Variants in TNR observed in about 807,000 individuals in gnomAD.
TNR encodes tenascin-R.
Under a neutral mutation model 150.4 loss-of-function variants are expected in TNR, and 45 were observed. That is an observed-to-expected ratio of 0.30 (90% confidence interval 0.24 to 0.38). The LOEUF (loss-of-function observed/expected upper bound fraction) is 0.38, where lower values mean the gene tolerates loss of function less well. TNR is among the 10% of genes least tolerant of loss of function. The probability of loss-of-function intolerance (pLI) is 1.00; values close to 1 mark genes in which losing one functional copy is unlikely to be tolerated. For synonymous variants in TNR, 687 were observed against 678.4 expected (o/e 1.01, Z -0.20); for missense variants, 1,544 against 1,759.1 (o/e 0.88, Z 2.19).
intron 1 of TNR, among the ~76,000 whole-genome samples, chr1:175,531,556 C>T (rs762168783): frequency 3.9e-5 from 6 of 151,904 alleles, no homozygotes; most frequent in South Asian, 2.1e-4. Context: ...CAGAGGGACC[C>T]GAGGGAGAGG....
intron 1 of TNR, among the ~76,000 whole-genome samples, chr1:175,715,849 C>T (rs948412083): frequency 6.6e-6 from 1 of 152,208 alleles, no homozygotes; most frequent in African/African-American, 2.4e-5. Context: ...GCAAAATGAG[C>T]TCAGATTCTC....
At chr1:175,585,271 C>G (rs1662521698) in intron 1 of TNR, among the ~76,000 whole-genome samples, 1 of 152,098 alleles carries the variant, frequency 6.6e-6, no homozygotes, top group African/African-American at 2.4e-5. Flanking sequence ...AATATAAAAC[C>G]AGGATTTGAA....
chr1:175,720,526 T>A (rs1379438930), intron 1 of TNR, among the ~76,000 whole-genome samples: 1 of 152,220 alleles, frequency 6.6e-6, no homozygotes, highest in African/African-American at 2.4e-5. Flanking sequence ...GGAACTGTGC[T>A]TGGGCTCAGA....
At chr1:175,557,657 C>A (rs1360628686) in intron 1 of TNR, among the ~76,000 whole-genome samples, 4 of 150,712 alleles carry the variant, frequency 2.7e-5, no homozygotes, top group Non-Finnish European at 5.9e-5. Context: ...AATAGGAACA[C>A]TTTTACACTG....
intron 7 of TNR, 108 bp downstream of exon 7, chr1:175,391,180 G>A (rs1007746681): frequency 7.0e-7 from 1 of 1,419,208 alleles, no homozygotes; most frequent in Non-Finnish European, 9.5e-7. Flanking sequence ...CCCAGCTCTA[G>A]GAGAAATTCT....
chr1:175,355,673 C>T, intron 16 of TNR, 40 bp from the exon 17 acceptor site: 2 of 1,610,528 alleles, frequency 1.2e-6, no homozygotes, highest in Non-Finnish European at 1.7e-6. Context: ...CCTGCCTCTC[C>T]AGCTCCTCCC....
At chr1:175,642,275 G>A (rs1451029191) in intron 1 of TNR, among the ~76,000 whole-genome samples, 1 of 152,190 alleles carries the variant, frequency 6.6e-6, no homozygotes, top group Non-Finnish European at 1.5e-5. Flanking sequence ...CTATGTGTTT[G>A]TGGTGGGGGA....
chr1:175,716,858 C>G (rs1216533232), intron 1 of TNR, among the ~76,000 whole-genome samples: 2 of 152,192 alleles, frequency 1.3e-5, no homozygotes, highest in Admixed American at 1.3e-4. Context: ...CCACATCGTC[C>G]TTTGTCATTT....
intron 2 of TNR, among the ~76,000 whole-genome samples, chr1:175,506,377 A>C (rs1658957683): frequency 6.6e-6 from 1 of 152,252 alleles, no homozygotes; most frequent in African/African-American, 2.4e-5. Flanking sequence ...ATGTTAGCTC[A>C]GAAACTAAAT....
intron 1 of TNR, among the ~76,000 whole-genome samples, chr1:175,723,264 A>G (rs538637055): frequency 1.3e-5 from 2 of 152,346 alleles, no homozygotes; most frequent in African/African-American, 2.4e-5. Flanking sequence ...GCATCTAAAC[A>G]TATTCCTCAT....
chr1:175,499,651 T>C (rs1010686642), intron 2 of TNR, among the ~76,000 whole-genome samples: 3 of 152,232 alleles, frequency 2.0e-5, no homozygotes, highest in Admixed American at 6.5e-5. Context: ...CAATGGCTAA[T>C]CAAGCAAATT....
intron 2 of TNR, among the ~76,000 whole-genome samples, chr1:175,445,632 C>A (rs1656014050): frequency 1.3e-5 from 2 of 152,182 alleles, no homozygotes; most frequent in South Asian, 4.1e-4. Flanking sequence ...TCACTGCCGA[C>A]TGGTAATTAC....
At chr1:175,415,291 C>T (rs922069863) in intron 2 of TNR, among the ~76,000 whole-genome samples, 5 of 152,280 alleles carry the variant, frequency 3.3e-5, no homozygotes, top group East Asian at 3.9e-4. Flanking sequence ...GTGGAGGCAG[C>T]GCTGGGCTGC....
At chr1:175,447,142 C>T (rs1037284911) in intron 2 of TNR, among the ~76,000 whole-genome samples, 3 of 151,794 alleles carry the variant, frequency 2.0e-5, no homozygotes, top group African/African-American at 2.4e-5. Flanking sequence ...CCAGCACCCT[C>T]ATCTGGGATC....
intron 1 of TNR, among the ~76,000 whole-genome samples, chr1:175,582,434 G>A (rs1303647736): frequency 2.0e-5 from 3 of 152,218 alleles, no homozygotes; most frequent in African/African-American, 7.2e-5. Context: ...AGGATGTAAA[G>A]ACAGTTGCAC....
At chr1:175,687,775 A>T (rs752219687) in intron 1 of TNR, among the ~76,000 whole-genome samples, 6 of 151,654 alleles carry the variant, frequency 4.0e-5, no homozygotes, top group Non-Finnish European at 5.9e-5. Context: ...TCAGGATCAC[A>T]TGCTTCAAGC....
intron 1 of TNR, among the ~76,000 whole-genome samples, chr1:175,667,597 G>A (rs1665569088): frequency 6.6e-6 from 1 of 152,178 alleles, no homozygotes; most frequent in Non-Finnish European, 1.5e-5. Context: ...CACATCAGAA[G>A]TACCAAGAAG....
chr1:175,553,825 C>CACACAT (rs1308275097), intron 1 of TNR, among the ~76,000 whole-genome samples: 1 of 151,040 alleles, frequency 6.6e-6, no homozygotes, highest in Non-Finnish European at 1.5e-5. Flanking sequence ...CAAACACACA[C>CACACAT]ACACACACAC....
chr1:175,384,321 T>A (rs1652823498), intron 8 of TNR, among the ~76,000 whole-genome samples: 1 of 152,116 alleles, frequency 6.6e-6, no homozygotes, highest in Admixed American at 6.5e-5. Flanking sequence ...TTTGGCTAAA[T>A]GAGGAAGCAG....
Sources: allele counts gnomAD v4.1 joint callset (sites outside exome capture counted in the v4.1 genomes callset), GRCh38; gene constraint gnomAD v4.1.1; transcripts MANE v1.5; gene names NCBI Gene and HGNC (gene_info 2026-07-23, HGNC 2026-07-21).